FAT2: variants seen among roughly 807,000 people sequenced by gnomAD.
FAT2 encodes protocadherin Fat 2.
A neutral mutation model predicts 295.3 loss-of-function variants in FAT2; 150 were observed. The observed-to-expected ratio is 0.51, with a 90% confidence interval of 0.44 to 0.58. The LOEUF is 0.58. Among genes scored for constraint, FAT2 ranks in the 20% least tolerant of loss-of-function variants. The pLI is 0.00. For missense variants in FAT2, 4,868 were observed against 5,442.7 expected (o/e 0.89, Z 3.32); for synonymous variants, 2,026 against 2,150.3 (o/e 0.94, Z 1.60).
Position 151,507,136 on chromosome 5 carries a change from G to C in FAT2, c.12517+18C>G, listed in dbSNP as rs201787846. On this transcript the variant is annotated intron_variant, in intron 23 of 23. Transcript: ENST00000261800. ...CTTCCATCAATCCCAGAGGCTAAGC[G>C]TCTCTGGCTATACTGACCCATCTCC... 10 of 1,538,612 alleles carry C rather than the reference G, an allele frequency of 6.5e-6. No individual in the cohort carries two copies. The highest frequency in any genetic ancestry group is 8.8e-6 in the Non-Finnish European group (10 of 1,141,800).
chr5:151,543,115 C>T lies in FAT2; in HGVS notation c.8012G>A (p.Trp2671Ter). 6.2e-7 allele frequency: 1 copy of T among 1,614,130 alleles called. No individual in the cohort carries two copies. The highest frequency in any genetic ancestry group is 8.5e-7 in the Non-Finnish European group (1 of 1,180,018). ...AAGTCGTACTGGCACCAGAGAGTTC[C>T]AGTGAGGAGGGCCTCCATCTTGGGC... ...IKAQDGGPPHWNSLVPVRLQV... is the reference protein window; with the variant it reads ...IKAQDGGPPH The change falls in exon 10 of 24, where the codon TGG becomes TAG. Residue 2671 changes from tryptophan to a stop codon, truncating the protein, a stop_gained. Transcript: ENST00000261800. LOFTEE classifies it high-confidence loss of function.
chr5:151,547,331 G>T (rs963934337), intron 9 of FAT2, among the ~76,000 whole-genome samples: 1 of 152,170 alleles, frequency 6.6e-6, no homozygotes, highest in African/African-American at 2.4e-5. Context: ...CAGAGGCTTT[G>T]TTCTTCATTC....
chr5:151,561,218 G>T (rs1307004230), intron 3 of FAT2, among the ~76,000 whole-genome samples: 2 of 152,232 alleles, frequency 1.3e-5, no homozygotes, highest in African/African-American at 4.8e-5. Flanking sequence ...AGAGTCCCCT[G>T]TTAAACAGAA....
intron 12 of FAT2, among the ~76,000 whole-genome samples, chr5:151,534,972 T>TATATAC (rs1336818274): frequency 2.5e-5 from 2 of 79,584 alleles, no homozygotes; most frequent in Non-Finnish European, 4.6e-5. Flanking sequence ...TCTAGGAAAA[T>TATATAC]ATATATATAT....
chr5:151,575,361 G>C (rs1162718470), intron 1 of FAT2, among the ~76,000 whole-genome samples: 1 of 152,230 alleles, frequency 6.6e-6, no homozygotes, highest in African/African-American at 2.4e-5. Context: ...GTACTGGACA[G>C]AATTAAAAGT....
At chr5:151,546,425 A>G in intron 9 of FAT2, 88 bp from the exon 10 acceptor site, 1 of 990,168 alleles carries the variant, frequency 1.0e-6, no homozygotes, top group Non-Finnish European at 1.5e-6. Context: ...TCTATCACAC[A>G]AAACCTGGAC....
chr5:151,509,408 G>C (rs934461461), intron 22 of FAT2: 3 of 152,328 alleles, frequency 2.0e-5, no homozygotes, highest in Non-Finnish European at 4.4e-5. Flanking sequence ...CCTGGGTCAC[G>C]GACCCATACT....
intron 11 of FAT2, 148 bp from the exon 12 acceptor site, chr5:151,538,094 C>A: frequency 1.7e-6 from 1 of 590,858 alleles, no homozygotes; most frequent in Non-Finnish European, 2.9e-6. Flanking sequence ...AGAACAGAGA[C>A]AGAGAGAGAG....
chr5:151,573,223 A>G (rs1237791726), intron 1 of FAT2, among the ~76,000 whole-genome samples: 1 of 152,254 alleles, frequency 6.6e-6, no homozygotes, highest in East Asian at 1.9e-4. Flanking sequence ...CTACTTCTGC[A>G]GGTCGTTTCA....
At position 151,521,370 on chromosome 5, in the gene FAT2, C is replaced by T; in HGVS notation, c.11223G>A (p.Val3741=). The part of the protein sequence containing the change: ...TCQGQICHNT[V]HLDPKVGPTY... ...TGGGCCCAACCTTGGGGTCCAGATG[C>T]ACTGTGTTATGGCAGATTTGACCCT... Residue 3741 remains valine (V), a synonymous_variant, in exon 19 of 24, where the codon GTG becomes GTA. Coordinates refer to ENST00000261800, the MANE Select transcript of FAT2 (RefSeq NM_001447.3). 1.2e-6 allele frequency: 2 copies of T among 1,614,220 alleles called. No individual in the cohort carries two copies. The highest frequency in any genetic ancestry group is 1.7e-6 in the Non-Finnish European group (2 of 1,180,042).
At chr5:151,583,420 A>G (rs1454175705) in intron 1 of FAT2, among the ~76,000 whole-genome samples, 1 of 152,212 alleles carries the variant, frequency 6.6e-6, no homozygotes, top group Non-Finnish European at 1.5e-5. Flanking sequence ...TTCACATAAT[A>G]CGGGGCAAAA....
Position 151,531,756 on chromosome 5 carries a change from G to A in FAT2, c.9642C>T (p.Tyr3214=), listed in dbSNP as rs143792947. Residue 3214 remains tyrosine (Y), a synonymous_variant, in exon 14 of 24, where the codon TAC becomes TAT. Coordinates refer to ENST00000261800, the MANE Select transcript of FAT2 (RefSeq NM_001447.3). The surrounding 1 kb of genome is among the most constrained non-coding windows in gnomAD (Gnocchi z 5.7). The stretch of plus-strand genomic sequence containing the variant: ...GCTCGGTGTTCAGGAACACGGGCAG[G>A]TAGTCTTCTAGGCCCACCACCGAGA... The part of the protein sequence containing the change: ...VTVSVVGLED[Y]LPVFLNTEHS... The A allele has an allele frequency of 4.9e-3, 7,934 of 1,608,774 alleles. 32 individuals carry two copies. Among genetic ancestry groups the A allele is most frequent in the Middle Eastern group, 0.012 (75 of 6,054 alleles).
chr5:151,517,781 AAGCT>A lies in FAT2; in HGVS notation c.11318-20_11318-17del. 1 of 1,613,704 alleles carries A rather than the reference AAGCT, an allele frequency of 6.2e-7. No homozygotes were observed. The highest frequency in any genetic ancestry group is 8.5e-7 in the Non-Finnish European group (1 of 1,179,660). On this transcript the variant is annotated splice_polypyrimidine_tract_variant and intron_variant, in intron 19 of 23. Transcript: ENST00000261800. Reference sequence around the variant, plus strand: ...GTAGCAGTACCTGAGAAAGCAACCAAAGCTGTCACCTCTACTTGAAGTGGTCCCC... The same window carrying A: ...GTAGCAGTACCTGAGAAAGCAACCAAGTCACCTCTACTTGAAGTGGTCCCC...
chr5:151,563,367 T>G lies in FAT2; in HGVS notation c.3532A>C (p.Ser1178Arg). 1 of 1,614,196 alleles carries G rather than the reference T, an allele frequency of 6.2e-7. No individual in the cohort carries two copies. The highest frequency in any genetic ancestry group is 1.1e-5 in the South Asian group (1 of 91,086). ...SKGKLTFNITSGNYMGFFMIH... is the reference protein window; with the variant it reads ...SKGKLTFNITRGNYMGFFMIH... ...ATAAAGAATCCCATGTAGTTCCCACTGGTGATGTTGAAGGTCAGCTTCCCT... is the reference window on the plus strand; with the variant it reads ...ATAAAGAATCCCATGTAGTTCCCACGGGTGATGTTGAAGGTCAGCTTCCCT... The change falls in exon 3 of 24, where the codon AGT (serine) becomes CGT (arginine). Residue 1178 changes from serine to arginine, a missense_variant. By Grantham distance (110) the Ser-to-Arg change is moderately radical. This residue lies in a region of FAT2 where 3,297 missense variants were observed against 3,669.4 expected (regional missense o/e 0.90). Coordinates refer to ENST00000261800, the MANE Select transcript of FAT2 (RefSeq NM_001447.3).
chr5:151,568,385 A>C lies in FAT2; in HGVS notation c.547T>G (p.Phe183Val), dbSNP rs771003790. Residue 183 changes from phenylalanine to valine, a missense_variant, in exon 2 of 24, where the codon TTC becomes GTC. This residue lies in a region of FAT2 where 3,297 missense variants were observed against 3,669.4 expected (regional missense o/e 0.90). Transcript: ENST00000261800. The stretch of plus-strand genomic sequence containing the variant: ...GACCTTGTGTTAAAGGCATAATAGA[A>C]CTCAGCATTCTGGCCTAGATCAGCA... ...TDADLGQNAE[F>V]YYAFNTRSEM... The C allele has an allele frequency of 6.2e-7, 1 of 1,613,962 alleles. No homozygotes were observed. Among genetic ancestry groups the C allele is most frequent in the Non-Finnish European group, 8.5e-7 (1 of 1,180,012 alleles).
Position 151,566,385 on chromosome 5 carries a change from C to T in FAT2, c.2547G>A (p.Ser849=), listed in dbSNP as rs1435296689. The change falls in exon 2 of 24, where the codon TCG becomes TCA. Residue 849 remains serine, a synonymous_variant. Coordinates refer to ENST00000261800, the MANE Select transcript of FAT2 (RefSeq NM_001447.3). The part of the protein sequence containing the change: ...IAELTTKDAD[S]EDNGRVRYTL... ...TGTAGCGAACCCTGCCATTGTCTTC[C>T]GAGTCAGCATCTTTGGTTGTCAGCT... The T allele has an allele frequency of 1.2e-5, 19 of 1,613,816 alleles. No homozygotes were observed. The highest frequency in any genetic ancestry group is 2.2e-5 in the South Asian group (2 of 91,040).
rs867344649 is a variant in FAT2, at chr5:151,509,823, G to A, written c.12059+198C>T. On this transcript the variant is annotated intron_variant, in intron 22 of 23. Transcript: ENST00000261800. ...ATCTCCCGTTTCTCCTGCCTGGTCC[G>A]TGGAAAAAGTGTCTTCCATGAAACC... The A allele has an allele frequency of 5.5e-5, 33 of 598,726 alleles. 1 individual carries two copies. The highest frequency in any genetic ancestry group is 9.4e-4 in the Middle Eastern group (2 of 2,128). The allele number at this position is 598,726 out of a possible 1,614,324, so 37.1% of individuals were successfully genotyped here.
chr5:151,570,501 C>G (rs934785525), intron 1 of FAT2, among the ~76,000 whole-genome samples: 25 of 152,252 alleles, frequency 1.6e-4, no homozygotes, highest in African/African-American at 5.8e-4. Context: ...AATGCTTCGC[C>G]TCTCTTAGAC....
chr5:151,565,647 A>ACGGCCCC, intron 2 of FAT2, 26 bp downstream of exon 2: 11 of 1,461,024 alleles, frequency 7.5e-6, no homozygotes, highest in Non-Finnish European at 8.3e-6. Flanking sequence ...TGGCCCTGGC[A>ACGGCCCC]CCCCACCCTA....
Sources: allele counts gnomAD v4.1 joint callset (sites outside exome capture counted in the v4.1 genomes callset), GRCh38; gene constraint gnomAD v4.1.1; regional missense constraint gnomAD v4.1.1; non-coding constraint Gnocchi (gnomAD v3.1); transcripts MANE v1.5; gene names NCBI Gene and HGNC (gene_info 2026-07-23, HGNC 2026-07-21).